The following NTM variants were observed in gnomAD, a reference collection of about 807,000 sequenced individuals.
The protein encoded by NTM is neurotrimin.
Under a neutral mutation model 42.1 loss-of-function variants are expected in NTM, and 13 were observed. That is an observed-to-expected ratio of 0.31 (90% CI 0.20 to 0.49). NTM has a LOEUF of 0.49. Ranked by LOEUF, NTM falls within the 20% of genes least tolerant of loss-of-function variation. The pLI is 0.99. For synonymous variants in NTM, 187 were observed against 179.2 expected (o/e 1.04, Z -0.35); for missense variants, 373 against 452.8 (o/e 0.82, Z 1.60).
At chr11:131,427,161 G>A (rs532870928) in intron 1 of NTM, among the ~76,000 whole-genome samples, 4 of 151,968 alleles carry the variant, frequency 2.6e-5, no homozygotes, top group South Asian at 2.1e-4. Flanking sequence ...GCAGAAGACC[G>A]GCACCTGAGA....
At chr11:131,668,018 T>C (rs2069391590) in intron 1 of NTM, among the ~76,000 whole-genome samples, 1 of 152,186 alleles carries the variant, frequency 6.6e-6, no homozygotes, top group South Asian at 2.1e-4. Context: ...TTCATAATGA[T>C]GAGAGATAGC....
At chr11:131,400,481 A>G (rs943956524) in intron 1 of NTM, among the ~76,000 whole-genome samples, 2 of 152,176 alleles carry the variant, frequency 1.3e-5, no homozygotes, top group African/African-American at 4.8e-5. Context: ...CCTTGGCTTG[A>G]ATCCTGATGC....
chr11:131,715,580 C>T (rs551077914), intron 1 of NTM, among the ~76,000 whole-genome samples: 6 of 152,278 alleles, frequency 3.9e-5, no homozygotes, highest in African/African-American at 7.2e-5. Flanking sequence ...TCATAGTGAA[C>T]GTATCCATCA....
chr11:131,885,548 G>A (rs2050254371), intron 1 of NTM, among the ~76,000 whole-genome samples: 1 of 152,218 alleles, frequency 6.6e-6, no homozygotes, highest in Non-Finnish European at 1.5e-5. Context: ...CAGGGGCTGA[G>A]CAGCAGAAAC....
intron 8 of NTM, among the ~76,000 whole-genome samples, chr11:132,333,629 C>T (rs1329292816): frequency 6.6e-6 from 1 of 152,072 alleles, no homozygotes; most frequent in Non-Finnish European, 1.5e-5. Context: ...CTCCTTAATG[C>T]AGGGTAGAGA....
chr11:131,994,539 G>A (rs116042528), intron 2 of NTM, among the ~76,000 whole-genome samples: 1,972 of 152,290 alleles, frequency 0.013, 47 homozygotes, highest in African/African-American at 0.045. Context: ...AGAAACAGGA[G>A]CATCTAATGT....
intron 1 of NTM, among the ~76,000 whole-genome samples, chr11:131,495,355 G>GT (rs1218100138): frequency 2.0e-5 from 3 of 152,236 alleles, no homozygotes. Flanking sequence ...CAGATTGCGT[G>GT]TTTTTGCTTG....
chr11:131,600,764 A>G (rs533492706), intron 1 of NTM, among the ~76,000 whole-genome samples: 12 of 152,282 alleles, frequency 7.9e-5, no homozygotes, highest in Non-Finnish European at 1.3e-4. Flanking sequence ...TCCAGACACA[A>G]CAAGAAGCAA....
At chr11:131,911,721 G>C in intron 2 of NTM, 73 bp downstream of exon 2, 1 of 1,573,760 alleles carries the variant, frequency 6.4e-7, no homozygotes, top group Non-Finnish European at 8.7e-7. Context: ...GTGCAGGTGT[G>C]TGCACTGAGG....
At chr11:131,759,103 C>A (rs947935278) in intron 1 of NTM, among the ~76,000 whole-genome samples, 2 of 152,156 alleles carry the variant, frequency 1.3e-5, no homozygotes, top group Admixed American at 1.3e-4. Flanking sequence ...TCTTTGAAAA[C>A]CTTCACACCT....
At chr11:131,371,529 G>A (rs1232064460) in intron 1 of NTM, among the ~76,000 whole-genome samples, 1 of 152,144 alleles carries the variant, frequency 6.6e-6, no homozygotes, top group Non-Finnish European at 1.5e-5. Context: ...ATTCTAAAAA[G>A]CTTTTCGAAG....
chr11:131,785,725 C>T (rs1526562), intron 1 of NTM, among the ~76,000 whole-genome samples: 78,917 of 152,050 alleles, frequency 0.52, 20,981 homozygotes, highest in African/African-American at 0.62. Context: ...ATGAAGATGG[C>T]TAATTTGGGA....
intron 1 of NTM, among the ~76,000 whole-genome samples, chr11:131,477,785 A>G (rs1251575203): frequency 4.0e-5 from 6 of 151,216 alleles, no homozygotes. Context: ...GTATCAGTCT[A>G]CTCCCTGCTC....
chr11:131,792,693 G>A (rs1367751488), intron 1 of NTM, among the ~76,000 whole-genome samples: 5 of 152,168 alleles, frequency 3.3e-5, no homozygotes, highest in Non-Finnish European at 7.3e-5. Flanking sequence ...TGGGCACGGT[G>A]CCTTCACACT....
intron 1 of NTM, among the ~76,000 whole-genome samples, chr11:131,424,490 C>T (rs1306286438): frequency 6.6e-6 from 1 of 151,984 alleles, no homozygotes; most frequent in African/African-American, 2.4e-5. Context: ...AGATAAATGC[C>T]TGGAGGATCT....
At chr11:131,555,368 G>T (rs1459313239) in intron 1 of NTM, among the ~76,000 whole-genome samples, 1 of 152,192 alleles carries the variant, frequency 6.6e-6, no homozygotes, top group South Asian at 2.1e-4. Flanking sequence ...GGACAGGGTT[G>T]TCATTGGGTC....
intron 1 of NTM, among the ~76,000 whole-genome samples, chr11:131,760,699 CG>C (rs1484729922): frequency 6.6e-6 from 1 of 152,118 alleles, no homozygotes; most frequent in Non-Finnish European, 1.5e-5. Context: ...GTTCCATCTC[CG>C]GGAAGAATCT....
chr11:131,658,883 A>G (rs1293683549), intron 1 of NTM, among the ~76,000 whole-genome samples: 3 of 152,102 alleles, frequency 2.0e-5, no homozygotes, highest in Non-Finnish European at 4.4e-5. Context: ...AGGCACGAGA[A>G]TCGCTTGAAC....
At chr11:131,443,801 T>C (rs1339545402) in intron 1 of NTM, among the ~76,000 whole-genome samples, 6 of 152,210 alleles carry the variant, frequency 3.9e-5, no homozygotes. Context: ...CCAACTTCCA[T>C]GGCATGAGGT....
Sources: gnomAD v4.1 joint callset for allele counts (sites outside exome capture counted in the v4.1 genomes callset) on GRCh38, gnomAD v4.1.1 for gene constraint, MANE v1.5 for transcripts, NCBI Gene and HGNC (gene_info 2026-07-23, HGNC 2026-07-21) for gene names.